The following ESR1 variants were observed in gnomAD, a reference collection of about 807,000 sequenced individuals.
ESR1 encodes estrogen receptor 1, also known as estrogen receptor.
A neutral mutation model predicts 52.7 loss-of-function variants in ESR1; 12 were observed. The observed-to-expected ratio is 0.23, with a 90% CI of 0.15 to 0.37. ESR1 has a LOEUF of 0.37. Among genes scored for constraint, ESR1 ranks in the 10% least tolerant of loss-of-function variants. The pLI, the probability that ESR1 is intolerant of heterozygous loss-of-function variation, is 1.00. For synonymous variants in ESR1, 305 were observed against 316.8 expected (o/e 0.96, Z 0.39); for missense variants, 584 against 779.7 (o/e 0.75, Z 2.99).
At chr6:151,658,907 A>C (rs915186903) in intron 1 of ESR1, among the ~76,000 whole-genome samples, 4 of 152,234 alleles carry the variant, frequency 2.6e-5, no homozygotes, top group African/African-American at 9.6e-5. Flanking sequence ...ATCATATTGC[A>C]TGTGGGCATA....
chr6:151,784,908 T>G (rs1357622218), intron 2 of ESR1, among the ~76,000 whole-genome samples: 1 of 152,214 alleles, frequency 6.6e-6, no homozygotes, highest in African/African-American at 2.4e-5. Context: ...GGCTGGAAAC[T>G]CAGGCAGGAG....
chr6:152,079,296 G>C (rs1391337587), intron 6 of ESR1, among the ~76,000 whole-genome samples: 1 of 152,146 alleles, frequency 6.6e-6, no homozygotes, highest in African/African-American at 2.4e-5. Context: ...GAAGGATCAG[G>C]CAGCAATATT....
chr6:152,038,309 T>C (rs1387527171), intron 5 of ESR1, among the ~76,000 whole-genome samples: 2 of 152,230 alleles, frequency 1.3e-5, no homozygotes, highest in African/African-American at 4.8e-5. Context: ...AGATTGAGGA[T>C]GGGTCTCCAT....
At chr6:152,027,622 T>C (rs1041599847) in intron 5 of ESR1, among the ~76,000 whole-genome samples, 1 of 152,224 alleles carries the variant, frequency 6.6e-6, no homozygotes, top group African/African-American at 2.4e-5. Flanking sequence ...TAGTATAAAA[T>C]GTTGCTCACA....
upstream of ESR1, among the ~76,000 whole-genome samples, chr6:151,689,418 A>G (rs2115334438): frequency 6.6e-6 from 1 of 152,342 alleles, no homozygotes; most frequent in Admixed American, 6.5e-5. Context: ...TTGCAATTAA[A>G]TACTTTACAT....
At chr6:152,084,615 G>T (rs2049537319) in intron 6 of ESR1, among the ~76,000 whole-genome samples, 1 of 151,500 alleles carries the variant, frequency 6.6e-6, no homozygotes, top group African/African-American at 2.4e-5. Context: ...ACAGTTCCCA[G>T]GATGGACTGC....
chr6:152,042,753 C>T (rs1378314238), intron 5 of ESR1, among the ~76,000 whole-genome samples: 2 of 152,206 alleles, frequency 1.3e-5, no homozygotes, highest in Non-Finnish European at 2.9e-5. Context: ...CAGTAGGCCT[C>T]TTGTCAATTT....
intron 2 of ESR1, among the ~76,000 whole-genome samples, chr6:151,743,825 A>G (rs192659374): frequency 2.0e-5 from 3 of 152,324 alleles, no homozygotes; most frequent in East Asian, 1.9e-4. Context: ...AGTTTTTAAC[A>G]TATTCAGAAT....
rs9340911 is a variant in ESR1, at chr6:151,951,558, G to A, written c.1096+7050G>A. Among the ~76,000 whole-genome samples the A allele has an allele frequency of 7.8e-3, 1,189 of 152,266 alleles. 9 individuals carry two copies. Among genetic ancestry groups the A allele is most frequent in the Admixed American group, 0.018 (274 of 15,298 alleles). Reference sequence around the variant, plus strand: ...TAATTAATCTTAGAGATAAAAGATAGAAATCTATGAGACTTGAGACATTCA... The same window carrying A: ...TAATTAATCTTAGAGATAAAAGATAAAAATCTATGAGACTTGAGACATTCA... On this transcript the variant is annotated intron_variant, in intron 4 of 7. Coordinates refer to ENST00000206249, the MANE Select transcript of ESR1 (RefSeq NM_000125.4).
At chr6:151,991,278 A>G (rs1253127437) in intron 4 of ESR1, among the ~76,000 whole-genome samples, 1 of 152,176 alleles carries the variant, frequency 6.6e-6, no homozygotes, top group African/African-American at 2.4e-5. Context: ...TCTTTACCAT[A>G]CATGAATTAC....
At position 152,039,807 on chromosome 6, in the gene ESR1, G is replaced by A. The variant is rs371434691; in HGVS notation, c.1236-21184G>A. The stretch of plus-strand genomic sequence containing the variant: ...TGTGACTTCAAAAGGCCATTCCACC[G>A]TTCTATCAATCCGGCTGCTTCAGGA... On this transcript the variant is annotated intron_variant, in intron 5 of 7. Transcript: ENST00000206249. 3.3e-5 allele frequency among the ~76,000 whole-genome samples: 5 copies of A among 152,258 alleles called. No homozygotes were observed. In the East Asian group the frequency reaches 5.8e-4, roughly 18 times the overall value.
At chr6:151,699,665 AAATGTCAGAATACAT>A (rs1300944962) in intron 1 of ESR1, among the ~76,000 whole-genome samples, 1 of 152,236 alleles carries the variant, frequency 6.6e-6, no homozygotes, top group Non-Finnish European at 1.5e-5. Flanking sequence ...GTTAATGAAG[AAATGTCAGAATACAT>A]AATGAATCAA....
At chr6:152,122,069 GCAGCACCA>G in intron 6 of ESR1, 4 of 345,632 alleles carry the variant, frequency 1.2e-5, no homozygotes, top group Admixed American at 4.1e-5. Flanking sequence ...GATGGTTGGA[GCAGCACCA>G]TGGGAAAGCT....
chr6:151,981,868 A>G (rs2040022847), intron 4 of ESR1, among the ~76,000 whole-genome samples: 1 of 152,192 alleles, frequency 6.6e-6, no homozygotes, highest in African/African-American at 2.4e-5. Flanking sequence ...TCATGTTCCT[A>G]AACATGTTTT....
Position 152,098,712 on chromosome 6 carries a change from CTG to C in ESR1, c.1554-16_1554-15del. 6.2e-7 allele frequency: 1 copy of C among 1,606,592 alleles called. No individual in the cohort carries two copies. Among genetic ancestry groups the C allele is most frequent in the Non-Finnish European group, 8.5e-7 (1 of 1,173,606 alleles). On this transcript the variant is annotated intron_variant, in intron 7 of 7. Coordinates refer to ENST00000206249, the MANE Select transcript of ESR1 (RefSeq NM_000125.4). This position sits in a 1 kb window ranked among gnomAD's most constrained non-coding sequence, Gnocchi z 5.1. The stretch of plus-strand genomic sequence containing the variant: ...CGGGTTGGCTCTAAAGTAGTCCTTT[CTG>C]TGTCTTCCCACCTACAGTAACAAAG...
At chr6:151,961,746 G>C (rs778730841) in intron 4 of ESR1, among the ~76,000 whole-genome samples, 26 of 152,226 alleles carry the variant, frequency 1.7e-4, no homozygotes, top group South Asian at 6.3e-4. Context: ...AGGTCAAAGC[G>C]GCAAGAGTAG....
At chr6:151,862,327 G>A (rs1789033461) in intron 2 of ESR1, among the ~76,000 whole-genome samples, 1 of 152,184 alleles carries the variant, frequency 6.6e-6, no homozygotes, top group African/African-American at 2.4e-5. Context: ...TTGGAAGTGA[G>A]GAGTGTCACC....
chr6:151,849,643 C>T (rs78640196), intron 2 of ESR1, among the ~76,000 whole-genome samples: 1 of 132,382 alleles, frequency 7.6e-6, no homozygotes, highest in Non-Finnish European at 1.6e-5. Flanking sequence ...GACTTCATCT[C>T]AAAAAAAAAA....
intron 3 of ESR1, among the ~76,000 whole-genome samples, chr6:151,903,191 CT>C (rs1796945776): frequency 6.6e-6 from 1 of 152,064 alleles, no homozygotes; most frequent in Non-Finnish European, 1.5e-5. Flanking sequence ...TTACTAATGC[CT>C]TTCTCTTTAG....
Sources: gnomAD v4.1 joint callset for allele counts (sites outside exome capture counted in the v4.1 genomes callset) on GRCh38, gnomAD v4.1.1 for gene constraint, Gnocchi (gnomAD v3.1) non-coding constraint, MANE v1.5 for transcripts, NCBI Gene and HGNC (gene_info 2026-07-23, HGNC 2026-07-21) for gene names.